KIF15: variants seen among roughly 807,000 people sequenced by gnomAD.
The protein encoded by KIF15 is kinesin-like protein KIF15.
In KIF15, 140 loss-of-function variants were observed where a neutral mutation model predicts 190.6. That is an observed-to-expected ratio of 0.73 (90% CI 0.64 to 0.84). The LOEUF is 0.84. Ranked by LOEUF, KIF15 falls within the 40% of genes least tolerant of loss-of-function variation. The probability of loss-of-function intolerance (pLI) is 0.00; values close to 1 mark genes in which losing one functional copy is unlikely to be tolerated. For missense variants in KIF15, 1,372 were observed against 1,584.4 expected (o/e 0.87, Z 2.28); for synonymous variants, 528 against 551.3 (o/e 0.96, Z 0.59).
intron 1 of KIF15, among the ~76,000 whole-genome samples, chr3:44,768,803 A>T (rs895043859): frequency 3.3e-5 from 5 of 152,136 alleles, no homozygotes; most frequent in African/African-American, 7.2e-5. Context: ...GGCAAAAGGG[A>T]CCATTATCTG....
intron 4 of KIF15, among the ~76,000 whole-genome samples, chr3:44,778,704 C>G (rs1220382291): frequency 6.6e-6 from 1 of 151,908 alleles, no homozygotes; most frequent in Non-Finnish European, 1.5e-5. Flanking sequence ...TCCAGCCAGG[C>G]GTGGTGGCTC....
At chr3:44,857,297 A>G (rs1226706191), downstream of KIF15, among the ~76,000 whole-genome samples, 1 of 152,230 alleles carries the variant, frequency 6.6e-6, no homozygotes, top group African/African-American at 2.4e-5. Context: ...GGAAGAAAAT[A>G]GATTTTGGAA....
chr3:44,787,742 T>A (rs1356819065), intron 7 of KIF15, among the ~76,000 whole-genome samples: 1 of 152,210 alleles, frequency 6.6e-6, no homozygotes, highest in Non-Finnish European at 1.5e-5. Flanking sequence ...GCAATATAAT[T>A]TTAATAATTT....
intron 24 of KIF15, among the ~76,000 whole-genome samples, chr3:44,829,719 A>T (rs1327836498): frequency 4.1e-4 from 55 of 135,314 alleles, no homozygotes; most frequent in African/African-American, 1.3e-3. Context: ...ATGTATATAT[A>T]TTATAGATGT....
chr3:44,831,902 A>T (rs1027873983), intron 26 of KIF15, among the ~76,000 whole-genome samples: 4 of 152,178 alleles, frequency 2.6e-5, no homozygotes, highest in Non-Finnish European at 4.4e-5. Flanking sequence ...TTAGAAATAA[A>T]GGGGTTTTGG....
chr3:44,846,630 C>G (rs1434531573), intron 30 of KIF15, among the ~76,000 whole-genome samples: 1 of 151,880 alleles, frequency 6.6e-6, no homozygotes, highest in African/African-American at 2.4e-5. Flanking sequence ...AAAAATGAGT[C>G]AGGAGTGGTG....
At chr3:44,830,820 C>T (rs1698032075) in intron 25 of KIF15, 76 bp from the exon 26 acceptor site, 2 of 1,463,690 alleles carry the variant, frequency 1.4e-6, no homozygotes, top group Non-Finnish European at 1.9e-6. Context: ...ACCTTGGAAC[C>T]CAGACTCATT....
chr3:44,767,391 A>T (rs1705441416), intron 1 of KIF15, among the ~76,000 whole-genome samples: 2 of 152,216 alleles, frequency 1.3e-5, no homozygotes, highest in Admixed American at 1.3e-4. Flanking sequence ...AGCTTTGCTG[A>T]GATTGGATAC....
intron 6 of KIF15, chr3:44,862,172 C>T (rs1283062679): frequency 1.1e-6 from 1 of 885,460 alleles, no homozygotes; most frequent in Admixed American, 7.7e-5. Context: ...CGGGGCGCCG[C>T]TGGGCGGAGG....
At chr3:44,803,084 C>T in intron 14 of KIF15, 93 bp downstream of exon 14, 2 of 1,059,670 alleles carry the variant, frequency 1.9e-6, no homozygotes, top group Non-Finnish European at 2.7e-6. Flanking sequence ...TTCATTTTAG[C>T]CTCCAGGCCT....
chr3:44,851,187 G>T (rs548280504), intron 32 of KIF15, among the ~76,000 whole-genome samples: 1 of 152,310 alleles, frequency 6.6e-6, no homozygotes, highest in East Asian at 1.9e-4. Context: ...GATTGCTTGA[G>T]CCTAGGAGTT....
rs114634911 is a variant in KIF15 at position 44,813,343 on chromosome 3, G to A, written c.2383+163G>A. The A allele has an allele frequency of 7.8e-3, 3,769 of 485,308 alleles. 92 individuals are homozygous for A. Among genetic ancestry groups the A allele is most frequent in the African/African-American group, 0.064 (3,123 of 49,116 alleles). 30.1% of individuals were successfully genotyped at this position (485,308 alleles called of 1,614,324 possible). On this transcript the variant is annotated intron_variant, in intron 19 of 34. Transcript: ENST00000326047. ...AGTTTGCATGCAGTGGTAAGTAACA[G>A]TAATATATCATAAAAGGTAAATTTC...
At chr3:44,783,455 A>C (rs1706261727) in intron 5 of KIF15, among the ~76,000 whole-genome samples, 1 of 152,184 alleles carries the variant, frequency 6.6e-6, no homozygotes, top group Admixed American at 6.5e-5. Flanking sequence ...CACTCCCATG[A>C]GAATGGCACC....
chr3:44,786,557 G>A lies in KIF15; in HGVS notation c.622G>A (p.Ala208Thr). Residue 208 changes from alanine to threonine, a missense_variant, in exon 7 of 35, where the codon GCT becomes ACT. Ala to Thr is a moderately conservative substitution (Grantham distance 58). Coordinates refer to ENST00000326047, the MANE Select transcript of KIF15 (RefSeq NM_020242.3). ...VGAVEQVVTS[A>T]AEAYQVLSGG... Reference sequence around the variant, plus strand: ...TGCGGTGGAGCAGGTGGTAACCTCAGCTGCTGAAGCCTATCAGGTACCCTG... The same window carrying A: ...TGCGGTGGAGCAGGTGGTAACCTCAACTGCTGAAGCCTATCAGGTACCCTG... The A allele has an allele frequency of 6.2e-7, 1 of 1,612,028 alleles. No individual in the cohort carries two copies. The highest frequency in any genetic ancestry group is 1.1e-5 in the South Asian group (1 of 90,872).
intron 6 of KIF15, among the ~76,000 whole-genome samples, chr3:44,785,511 G>A (rs1251888038): frequency 6.6e-6 from 1 of 152,182 alleles, no homozygotes; most frequent in Admixed American, 6.5e-5. Flanking sequence ...CAGTTGTGCT[G>A]ATTTAGCTTG....
At chr3:44,864,194 C>T (rs541995371) in intron 6 of KIF15, 2 of 1,613,828 alleles carry the variant, frequency 1.2e-6, no homozygotes, top group African/African-American at 1.3e-5. Context: ...CTTTCTCCTG[C>T]AGGTGAGCAT....
downstream of KIF15, among the ~76,000 whole-genome samples, chr3:44,855,304 G>C (rs1244292023): frequency 1.3e-5 from 2 of 152,144 alleles, no homozygotes; most frequent in Non-Finnish European, 2.9e-5. Context: ...AAGGGTGGGG[G>C]AGATTACAAA....
intron 30 of KIF15, among the ~76,000 whole-genome samples, chr3:44,846,784 AAAAAAAAAGTT>A (rs1223962054): frequency 6.6e-6 from 1 of 152,000 alleles, no homozygotes; most frequent in African/African-American, 2.4e-5. Context: ...AAAAAAAAAA[AAAAAAAAAGTT>A]TTTCATTTCA....
At chr3:44,844,317 A>G (rs1027076277) in intron 30 of KIF15, among the ~76,000 whole-genome samples, 2 of 152,178 alleles carry the variant, frequency 1.3e-5, no homozygotes, top group Non-Finnish European at 2.9e-5. Flanking sequence ...AGCATCAGAG[A>G]TCTTATTCAG....
Sources: allele counts gnomAD v4.1 joint callset (sites outside exome capture counted in the v4.1 genomes callset), GRCh38; gene constraint gnomAD v4.1.1; transcripts MANE v1.5; gene names NCBI Gene and HGNC (gene_info 2026-07-23, HGNC 2026-07-21).